The following ARSG variants were observed in gnomAD, a reference collection of about 807,000 sequenced individuals.
ARSG encodes ASG.
A neutral mutation model predicts 50.5 loss-of-function variants in ARSG; 37 were observed. The observed-to-expected ratio is 0.73, with a 90% CI of 0.56 to 0.96. The LOEUF (loss-of-function observed/expected upper bound fraction) is 0.96. ARSG is among the 50% of genes least tolerant of loss of function. The pLI, the probability that ARSG is intolerant of heterozygous loss-of-function variation, is 0.00. For missense variants in ARSG, 629 were observed against 675.3 expected (o/e 0.93, Z 0.76); for synonymous variants, 225 against 254.6 (o/e 0.88, Z 1.11).
chr17:68,319,825 C>G (rs1383171734), intron 2 of ARSG, among the ~76,000 whole-genome samples: 1 of 152,186 alleles, frequency 6.6e-6, no homozygotes, highest in African/African-American at 2.4e-5. Context: ...TGCCATATCT[C>G]CTACTCCTTT....
At chr17:68,404,988 A>C (rs984247093) in intron 11 of ARSG, among the ~76,000 whole-genome samples, 3 of 152,130 alleles carry the variant, frequency 2.0e-5, no homozygotes, top group African/African-American at 7.2e-5. Context: ...AAATCATTTG[A>C]TCATACATGT....
At position 68,307,382 on chromosome 17, in the gene ARSG, C is replaced by A; in HGVS notation, c.-112C>A. 1 of 819,146 alleles carries A rather than the reference C, an allele frequency of 1.2e-6. No homozygotes were observed. The highest frequency in any genetic ancestry group is 2.0e-6 in the Non-Finnish European group (1 of 496,998). The allele number at this position is 819,146 out of a possible 1,614,324, so 50.7% of individuals were successfully genotyped here. ...CCAGCATCTTCTTGCAGATTCCACC[C>A]CTGCTCCCCAGAGACTTCCTGCTTT... is the stretch of plus-strand genomic sequence containing the variant. On this transcript the variant is annotated 5_prime_UTR_variant, in exon 2 of 12. Coordinates refer to ENST00000621439, the MANE Select transcript of ARSG (RefSeq NM_001267727.2).
At chr17:68,340,669 C>T (rs2078229351) in intron 2 of ARSG, among the ~76,000 whole-genome samples, 2 of 152,146 alleles carry the variant, frequency 1.3e-5, no homozygotes, top group Non-Finnish European at 2.9e-5. Flanking sequence ...TCTTTGCTTC[C>T]TGGCACAAGC....
chr17:68,295,445 A>C (rs1180847952), intron 1 of ARSG, among the ~76,000 whole-genome samples: 1 of 151,900 alleles, frequency 6.6e-6, no homozygotes, highest in Non-Finnish European at 1.5e-5. Context: ...CTGCTCCTGT[A>C]GTTTTGCCAT....
intron 9 of ARSG, 116 bp downstream of exon 9, chr17:68,385,288 C>T (rs1047336340): frequency 2.5e-6 from 2 of 809,336 alleles, no homozygotes; most frequent in African/African-American, 3.4e-5. Flanking sequence ...GGCTAGAGGC[C>T]TCAGGAAGGT....
At chr17:68,368,097 G>A (rs943414439) in intron 6 of ARSG, among the ~76,000 whole-genome samples, 1 of 152,158 alleles carries the variant, frequency 6.6e-6, no homozygotes, top group South Asian at 2.1e-4. Flanking sequence ...AGGAATGAGA[G>A]GCTGAGAATG....
rs575647676 is a variant in ARSG, at chr17:68,378,864, T to C, written c.983-6200T>C. 3.7e-4 allele frequency among the ~76,000 whole-genome samples: 56 copies of C among 150,370 alleles called. No homozygotes were observed. Among genetic ancestry groups the C allele is most frequent in the African/African-American group, 1.3e-3 (53 of 41,090 alleles). ...TTGTTTGTAATTTGATGCTATCAGGTTGTTGCATAACCTTTCCCGCTGGGA... is the reference window on the plus strand; with the variant it reads ...TTGTTTGTAATTTGATGCTATCAGGCTGTTGCATAACCTTTCCCGCTGGGA... On this transcript the variant is annotated intron_variant, in intron 8 of 11. Transcript: ENST00000621439. The surrounding 1 kb of genome is among the most constrained non-coding windows in gnomAD (Gnocchi z 4.4).
chr17:68,300,720 A>G (rs1172615646), intron 1 of ARSG, among the ~76,000 whole-genome samples: 1 of 152,140 alleles, frequency 6.6e-6, no homozygotes, highest in Non-Finnish European at 1.5e-5. Flanking sequence ...TTCTTCTGTG[A>G]CAGTCTCAAC....
At chr17:68,441,634 G>T in the ARSG span, among the ~76,000 whole-genome samples, 8 of 152,190 alleles carry the variant, frequency 5.3e-5, no homozygotes, top group East Asian at 1.5e-3. Flanking sequence ...CCTGTGCAAG[G>T]CTGTCCTATG....
At position 68,351,632 on chromosome 17, in the gene ARSG, C is replaced by T. The variant is rs2078767255; in HGVS notation, c.512C>T (p.Pro171Leu). Residue 171 changes from proline to leucine, a missense_variant, in exon 5 of 12, where the codon CCA becomes CTA. Physicochemically the swap from Pro to Leu is moderately conservative, Grantham distance 98. Coordinates refer to ENST00000621439, the MANE Select transcript of ARSG (RefSeq NM_001267727.2). ...YSHDMGCTDT[P>L]GYNHPPCPAC... ...CATGATATGGGCTGTACTGATACTC[C>T]AGGCTACAACCACCCTCCTTGTCCA... is the stretch of plus-strand genomic sequence containing the variant. The T allele has an allele frequency of 6.2e-7, 1 of 1,613,944 alleles. No homozygotes were observed. Among genetic ancestry groups the T allele is most frequent in the Non-Finnish European group, 8.5e-7 (1 of 1,179,906 alleles).
chr17:68,312,731 G>A (rs577260351), intron 2 of ARSG, among the ~76,000 whole-genome samples: 98 of 152,178 alleles, frequency 6.4e-4, no homozygotes, highest in South Asian at 1.0e-3. Context: ...CAGGAAAGCC[G>A]GGCTTCCTGT....
At chr17:68,451,793 C>A in the ARSG span, among the ~76,000 whole-genome samples, 11 of 152,166 alleles carry the variant, frequency 7.2e-5, no homozygotes, top group Admixed American at 2.6e-4. Flanking sequence ...AGTATTATGA[C>A]GAGGAAAGTA....
intron 8 of ARSG, chr17:68,379,719 G>A: frequency 4.8e-6 from 3 of 623,600 alleles, no homozygotes; most frequent in Non-Finnish European, 4.0e-6. Flanking sequence ...TATGGGCAGT[G>A]TTAGGAATTC....
At chr17:68,400,808 A>G (rs998031358) in intron 10 of ARSG, among the ~76,000 whole-genome samples, 12 of 152,138 alleles carry the variant, frequency 7.9e-5, no homozygotes, top group African/African-American at 2.9e-4. Context: ...AATCTGACCT[A>G]CCTAGTGAGA....
intron 1 of ARSG, among the ~76,000 whole-genome samples, chr17:68,282,167 A>C (rs2075714825): frequency 6.6e-6 from 1 of 152,238 alleles, no homozygotes; most frequent in Non-Finnish European, 1.5e-5. Flanking sequence ...AATACTATGC[A>C]GCCATAAAAA....
chr17:68,300,888 G>C (rs1293888586), intron 1 of ARSG, among the ~76,000 whole-genome samples: 2 of 151,806 alleles, frequency 1.3e-5, no homozygotes, highest in African/African-American at 4.8e-5. Flanking sequence ...GGAGGCCAAG[G>C]TGGGTAGATC....
rs560613587 is a variant in ARSG, at chr17:68,318,190, AAG to A, written c.218+10483_218+10484del. The stretch of plus-strand genomic sequence containing the variant: ...AGGATGAATTGCTCATGATTTAAAA[AAG>A]AGAAGAGGACCAATGCATTCTGTTG... On this transcript the variant is annotated intron_variant, in intron 2 of 11. Transcript: ENST00000621439. Among the ~76,000 whole-genome samples, 822 of 152,314 alleles carry A rather than the reference AAG, an allele frequency of 5.4e-3. 3 individuals are homozygous for A. The highest frequency in any genetic ancestry group is 9.6e-3 in the Non-Finnish European group (652 of 68,026).
In ARSG at chr17:68,405,920, A is replaced by G. The variant is rs185862937; in HGVS notation, c.1303+4470A>G. On this transcript the variant is annotated intron_variant, in intron 11 of 11. Transcript: ENST00000621439. ...TTTTATTTTTCCATGGGTTATTGGGATACACGTGGTGTTTGGTTACATGAG... is the reference window on the plus strand; with the variant it reads ...TTTTATTTTTCCATGGGTTATTGGGGTACACGTGGTGTTTGGTTACATGAG... Among the ~76,000 whole-genome samples, 484 of 152,200 alleles carry G rather than the reference A, an allele frequency of 3.2e-3. 4 individuals are homozygous for G. The highest frequency in any genetic ancestry group is 0.011 in the African/African-American group (456 of 41,528).
chr17:68,336,345 G>A (rs913986213), intron 2 of ARSG, among the ~76,000 whole-genome samples: 2 of 151,138 alleles, frequency 1.3e-5, no homozygotes, highest in African/African-American at 4.9e-5. Context: ...GAGTAGCTGG[G>A]ACTACAGACA....
Sources: allele counts gnomAD v4.1 joint callset (sites outside exome capture counted in the v4.1 genomes callset), GRCh38; gene constraint gnomAD v4.1.1; non-coding constraint Gnocchi (gnomAD v3.1); transcripts MANE v1.5; gene names NCBI Gene and HGNC (gene_info 2026-07-23, HGNC 2026-07-21).